The following ERC1 variants were observed in gnomAD, a reference collection of about 807,000 sequenced individuals.
ERC1 encodes ELKS/RAB6-interacting/CAST family member 1, also known as RAB6 interacting protein 2.
A neutral mutation model predicts 132.0 loss-of-function variants in ERC1; 56 were observed. The ratio of observed to expected loss-of-function variants is 0.42; its 90% CI spans 0.34 to 0.53. The LOEUF (loss-of-function observed/expected upper bound fraction) is 0.53, where lower values mean the gene tolerates loss of function less well. Among genes scored for constraint, ERC1 ranks in the 20% least tolerant of loss-of-function variants. ERC1 has a pLI of 0.03. For synonymous variants in ERC1, 478 were observed against 476.1 expected, an observed-to-expected ratio of 1.00 and a Z score of -0.05; for missense variants, 1,202 against 1,349.9, an observed-to-expected ratio of 0.89 and a Z score of 1.72.
chr12:1,484,034 G>A (rs1301916553), intron 18 of ERC1, among the ~76,000 whole-genome samples: 6 of 150,252 alleles, frequency 4.0e-5, no homozygotes, highest in South Asian at 2.1e-4. Flanking sequence ...AGCCGGGCGT[G>A]GTGGCTCACG....
chr12:1,351,505 A>G (rs1010477773), intron 15 of ERC1, among the ~76,000 whole-genome samples: 4 of 152,126 alleles, frequency 2.6e-5, no homozygotes, highest in Non-Finnish European at 4.4e-5. Flanking sequence ...CATTGTGGTA[A>G]GTGTGTAGTG....
chr12:1,092,969 C>G (rs1434817942), intron 3 of ERC1, among the ~76,000 whole-genome samples: 1 of 152,230 alleles, frequency 6.6e-6, no homozygotes, highest in East Asian at 1.9e-4. Context: ...AACAAACAAA[C>G]AAAACCCTAA....
intron 16 of ERC1, among the ~76,000 whole-genome samples, chr12:1,387,545 G>T (rs1011262340): frequency 6.6e-6 from 1 of 152,176 alleles, no homozygotes; most frequent in Admixed American, 6.5e-5. Flanking sequence ...TATCCAGGTG[G>T]GGCCCTAACC....
Position 1,121,783 on chromosome 12 carries a change from A to G in ERC1, c.1569+5750A>G, listed in dbSNP as rs11611542. Among the ~76,000 whole-genome samples, 4 of 5,106 alleles carry G rather than the reference A, an allele frequency of 7.8e-4. 2 individuals are homozygous for G. Among genetic ancestry groups the G allele is most frequent in the Non-Finnish European group, 3.4e-3 (4 of 1,192 alleles). 3.3% of individuals were successfully genotyped at this position (5,106 alleles called of 152,430 possible). ...TCTCTATCTATCTCTATCTCTATCTATCTCTATCTCTATCTCTATCTCTAT... is the reference window on the plus strand; with the variant it reads ...TCTCTATCTATCTCTATCTCTATCTGTCTCTATCTCTATCTCTATCTCTAT... On this transcript the variant is annotated intron_variant, in intron 7 of 18. Transcript: ENST00000360905.
intron 13 of ERC1, among the ~76,000 whole-genome samples, chr12:1,237,153 A>C (rs1168518779): frequency 6.6e-6 from 1 of 152,204 alleles, no homozygotes; most frequent in Non-Finnish European, 1.5e-5. Context: ...GATCACACTT[A>C]ATTGGTAAGT....
intron 17 of ERC1, among the ~76,000 whole-genome samples, chr12:1,420,931 G>GT (rs1336854472): frequency 7.2e-6 from 1 of 138,508 alleles, no homozygotes; most frequent in Non-Finnish European, 1.6e-5. Flanking sequence ...GGGGGGGGGG[G>GT]GGTTAATTAT....
chr12:1,243,016 T>A (rs545878852), intron 13 of ERC1, among the ~76,000 whole-genome samples: 1 of 150,428 alleles, frequency 6.6e-6, no homozygotes, highest in African/African-American at 2.4e-5. Flanking sequence ...TGAAACCCCG[T>A]CTCTACTAAA....
intron 17 of ERC1, among the ~76,000 whole-genome samples, chr12:1,414,411 C>G (rs2092006244): frequency 6.6e-6 from 1 of 152,190 alleles, no homozygotes; most frequent in African/African-American, 2.4e-5. Flanking sequence ...CTAATTCTAT[C>G]ATGAGGGCTC....
At chr12:1,374,467 G>T (rs1298355439) in intron 16 of ERC1, among the ~76,000 whole-genome samples, 1 of 152,096 alleles carries the variant, frequency 6.6e-6, no homozygotes, top group Non-Finnish European at 1.5e-5. Flanking sequence ...AGAGGAAGGG[G>T]CCAGGGCCAG....
intron 2 of ERC1, among the ~76,000 whole-genome samples, chr12:1,065,477 C>T (rs1413979222): frequency 2.3e-5 from 1 of 43,510 alleles, no homozygotes; most frequent in African/African-American, 6.4e-5. Flanking sequence ...TTCTTTGTAC[C>T]GTTTGTGTGT....
chr12:1,295,918 C>T (rs1648277134), intron 15 of ERC1, among the ~76,000 whole-genome samples: 1 of 150,106 alleles, frequency 6.7e-6, no homozygotes, highest in Admixed American at 6.6e-5. Context: ...TTTTAATTAC[C>T]AGACATGCAA....
intron 16 of ERC1, among the ~76,000 whole-genome samples, chr12:1,389,746 G>C (rs565659155): frequency 6.6e-6 from 1 of 152,270 alleles, no homozygotes; most frequent in East Asian, 1.9e-4. Context: ...ATACTCCAAA[G>C]AGTTAACATA....
intron 8 of ERC1, among the ~76,000 whole-genome samples, chr12:1,154,365 AC>A (rs1951166088): frequency 6.7e-6 from 1 of 148,358 alleles, no homozygotes; most frequent in Non-Finnish European, 1.5e-5. Context: ...ACACACACAC[AC>A]ACACACACAC....
rs558905809 is a variant in ERC1 at position 1,340,691 on chromosome 12, C to A, written c.2781-31142C>A. ...CTCTCACTGCCTTCCCTCTGAAGGT[C>A]TGTTGTGCCAGTCAGCTCGGTTTCT... is the stretch of plus-strand genomic sequence containing the variant. On this transcript the variant is annotated intron_variant, in intron 15 of 18. Transcript: ENST00000360905. Among the ~76,000 whole-genome samples, 21 of 152,254 alleles carry A rather than the reference C, an allele frequency of 1.4e-4. 1 individual carries two copies. The highest frequency in any genetic ancestry group is 2.6e-4 in the Non-Finnish European group (18 of 68,008).
At chr12:1,146,266 C>A (rs1378890190) in intron 8 of ERC1, among the ~76,000 whole-genome samples, 2 of 130,942 alleles carry the variant, frequency 1.5e-5, no homozygotes, top group Non-Finnish European at 3.2e-5. Flanking sequence ...TTGTAGTTTT[C>A]CTTGTAGAGG....
At chr12:1,057,029 G>C (rs901655493) in intron 2 of ERC1, among the ~76,000 whole-genome samples, 2 of 152,154 alleles carry the variant, frequency 1.3e-5, no homozygotes, top group African/African-American at 4.8e-5. Context: ...GGTCTACATA[G>C]GTGATGTTAT....
At chr12:1,150,251 C>A (rs1391659402) in intron 8 of ERC1, among the ~76,000 whole-genome samples, 2 of 152,184 alleles carry the variant, frequency 1.3e-5, no homozygotes, top group African/African-American at 4.8e-5. Flanking sequence ...CTACTGAACC[C>A]TGAATTAGCT....
At chr12:1,177,196 C>G (rs1404122644) in intron 8 of ERC1, among the ~76,000 whole-genome samples, 1 of 152,162 alleles carries the variant, frequency 6.6e-6, no homozygotes, top group Non-Finnish European at 1.5e-5. Flanking sequence ...TCCAAACCAG[C>G]AAACTTTTTC....
chr12:1,377,225 C>T (rs192120048), intron 16 of ERC1, among the ~76,000 whole-genome samples: 25 of 152,292 alleles, frequency 1.6e-4, no homozygotes, highest in African/African-American at 5.3e-4. Context: ...AACTTCCGTC[C>T]ACTCTCTAGT....
Sources: allele counts gnomAD v4.1 joint callset (sites outside exome capture counted in the v4.1 genomes callset), GRCh38; gene constraint gnomAD v4.1.1; transcripts MANE v1.5; gene names NCBI Gene and HGNC (gene_info 2026-07-23, HGNC 2026-07-21).